The following DDR2 variants were observed in gnomAD, a reference collection of about 807,000 sequenced individuals.
DDR2 encodes the protein discoidin domain-containing receptor 2.
A neutral mutation model predicts 94.9 loss-of-function variants in DDR2; 27 were observed. The observed-to-expected ratio is 0.28, with a 90% confidence interval of 0.21 to 0.39. The LOEUF (loss-of-function observed/expected upper bound fraction) is 0.39, where lower values mean the gene tolerates loss of function less well. Among genes scored for constraint, DDR2 ranks in the 10% least tolerant of loss-of-function variants. The probability of loss-of-function intolerance (pLI) is 1.00; values close to 1 mark genes in which losing one functional copy is unlikely to be tolerated. For synonymous variants in DDR2, 382 were observed against 377.2 expected, an observed-to-expected ratio of 1.01 and a Z score of -0.15; for missense variants, 783 against 1,076.0, an observed-to-expected ratio of 0.73 and a Z score of 3.81.
intron 3 of DDR2, among the ~76,000 whole-genome samples, chr1:162,742,788 G>C (rs947952611): frequency 2.0e-5 from 3 of 152,202 alleles, no homozygotes; most frequent in African/African-American, 4.8e-5. Context: ...CCACATAGCC[G>C]GGGAGGCCTC....
chr1:162,755,045 C>A, intron 5 of DDR2, 111 bp from the exon 6 acceptor site: 1 of 1,493,256 alleles, frequency 6.7e-7, no homozygotes, highest in Non-Finnish European at 9.3e-7. Flanking sequence ...AGAGTAGATG[C>A]ATTCTGCTCC....
chr1:162,706,709 A>G (rs559322133), intron 2 of DDR2, among the ~76,000 whole-genome samples: 6 of 152,304 alleles, frequency 3.9e-5, no homozygotes, highest in Middle Eastern at 3.4e-3. Context: ...CTGGTAGGAT[A>G]GAGAGGAGGG....
At chr1:162,678,372 G>A (rs534811669) in intron 2 of DDR2, among the ~76,000 whole-genome samples, 4 of 152,170 alleles carry the variant, frequency 2.6e-5, no homozygotes, top group South Asian at 4.1e-4. Flanking sequence ...AGTGCATGAC[G>A]CAGAGTAAAC....
chr1:162,745,279 G>T (rs1250631541), intron 3 of DDR2, among the ~76,000 whole-genome samples: 3 of 152,006 alleles, frequency 2.0e-5, no homozygotes, highest in Non-Finnish European at 4.4e-5. Context: ...CATTCCAAAG[G>T]TCTTTTCACT....
chr1:162,776,477 G>A, intron 16 of DDR2, 107 bp downstream of exon 16: 2 of 947,262 alleles, frequency 2.1e-6, no homozygotes, highest in African/African-American at 1.6e-5. Flanking sequence ...TCAATAGACT[G>A]TAGTATTTTC....
chr1:162,770,514 T>G lies in DDR2; in HGVS notation c.1504+2T>G, dbSNP rs768118021. The G allele has an allele frequency of 6.2e-7, 1 of 1,613,908 alleles. No homozygotes were observed. The highest frequency in any genetic ancestry group is 8.5e-7 in the Non-Finnish European group (1 of 1,179,934). ...TTGCTCCAGGGGAGGAGGAGTCAGGTGAGGATGATGTGGTGGGCAGGGTGT... is the reference window on the plus strand; with the variant it reads ...TTGCTCCAGGGGAGGAGGAGTCAGGGGAGGATGATGTGGTGGGCAGGGTGT... On this transcript the variant is annotated splice_donor_variant, in intron 12 of 17. Transcript: ENST00000367921. LOFTEE classifies it high-confidence loss of function.
At chr1:162,681,441 C>T (rs61811973) in intron 2 of DDR2, among the ~76,000 whole-genome samples, 60 of 152,302 alleles carry the variant, frequency 3.9e-4, no homozygotes, top group Admixed American at 9.2e-4. Flanking sequence ...CTACCCGAAT[C>T]CCAAGAGACC....
At chr1:162,771,266 G>A (rs768271328) in intron 12 of DDR2, among the ~76,000 whole-genome samples, 2 of 152,184 alleles carry the variant, frequency 1.3e-5, no homozygotes, top group East Asian at 1.9e-4. Flanking sequence ...TGAGGGACCC[G>A]AGTCAGTAGA....
intron 3 of DDR2, among the ~76,000 whole-genome samples, chr1:162,734,989 G>T (rs1013116180): frequency 6.6e-6 from 1 of 152,162 alleles, no homozygotes; most frequent in Non-Finnish European, 1.5e-5. Flanking sequence ...TGGAGGTTGC[G>T]CACTGCATGG....
chr1:162,746,225 G>A (rs1475645261), intron 3 of DDR2, among the ~76,000 whole-genome samples: 1 of 152,202 alleles, frequency 6.6e-6, no homozygotes, highest in African/African-American at 2.4e-5. Flanking sequence ...CTAGCCAAGG[G>A]AAGCTGTGAC....
rs115554932 is a variant in DDR2 at position 162,777,936 on chromosome 1, C to T, written c.2284-644C>T. ...CAGAAACAGAGGAGGTCAAAACTCC[C>T]GTGTTGATCAGTAATGAGATCAAAC... On this transcript the variant is annotated intron_variant, in intron 16 of 17. Transcript: ENST00000367921. 3.9e-3 allele frequency: 607 copies of T among 155,768 alleles called. 2 individuals carry two copies. The highest frequency in any genetic ancestry group is 0.014 in the African/African-American group (565 of 41,548). 9.6% of individuals were successfully genotyped at this position (155,768 alleles called of 1,614,324 possible).
chr1:162,715,216 T>A (rs1661111260), intron 2 of DDR2, among the ~76,000 whole-genome samples: 1 of 152,178 alleles, frequency 6.6e-6, no homozygotes, highest in Non-Finnish European at 1.5e-5. Flanking sequence ...TCTGGTAGTG[T>A]TGAGACTACA....
chr1:162,749,415 A>G (rs1271236471), intron 3 of DDR2, among the ~76,000 whole-genome samples: 1 of 152,234 alleles, frequency 6.6e-6, no homozygotes. Context: ...GAAGAAATGG[A>G]TAAATTCCTG....
rs17436304 is a variant in DDR2 at position 162,765,267 on chromosome 1, G to A, written c.1100-734G>A. Among the ~76,000 whole-genome samples the A allele has an allele frequency of 9.8e-3, 1,484 of 152,112 alleles. 16 individuals carry two copies. The highest frequency in any genetic ancestry group is 0.02 in the South Asian group (94 of 4,814). Reference sequence around the variant, plus strand: ...TAGTTTTCACCGGAGCCTGACAGCCGAACTCCGAAAGCACATGCAGAGGCC... The same window carrying A: ...TAGTTTTCACCGGAGCCTGACAGCCAAACTCCGAAAGCACATGCAGAGGCC... On this transcript the variant is annotated intron_variant, in intron 9 of 17. Coordinates refer to ENST00000367921, the MANE Select transcript of DDR2 (RefSeq NM_006182.4).
intron 3 of DDR2, among the ~76,000 whole-genome samples, chr1:162,744,223 A>T (rs1005308666): frequency 2.0e-5 from 3 of 152,216 alleles, no homozygotes; most frequent in East Asian, 3.9e-4. Context: ...ATCGTTAAGT[A>T]TAGGCACAAT....
chr1:162,746,453 G>A (rs1662870994), intron 3 of DDR2, among the ~76,000 whole-genome samples: 1 of 152,202 alleles, frequency 6.6e-6, no homozygotes, highest in Admixed American at 6.5e-5. Context: ...GCTTGAGTAG[G>A]TAAACAAAGA....
chr1:162,654,890 GTTGAAGATAAAGTTATTTTTATAACAATT>G (rs1157082970), intron 1 of DDR2, among the ~76,000 whole-genome samples: 18 of 152,142 alleles, frequency 1.2e-4, no homozygotes. Flanking sequence ...TTCTTCTCAT[GTTGAAGATAAAGTTATTTTTATAACAATT>G]TTGAAGATAA....
rs183156990 is a variant in DDR2 at position 162,771,249 on chromosome 1, A to G, written c.1504+737A>G. On this transcript the variant is annotated intron_variant, in intron 12 of 17. Transcript: ENST00000367921. Reference sequence around the variant, plus strand: ...CTCAGAGCAACTTTTCTATAAGATCATCAACCTGAGGGACCCGAGTCAGTA... The same window carrying G: ...CTCAGAGCAACTTTTCTATAAGATCGTCAACCTGAGGGACCCGAGTCAGTA... Among the ~76,000 whole-genome samples the G allele has an allele frequency of 1.5e-3, 236 of 152,338 alleles. 2 individuals carry two copies. The highest frequency in any genetic ancestry group is 5.2e-3 in the African/African-American group (217 of 41,594).
At chr1:162,715,249 AG>A (rs1194381779) in intron 2 of DDR2, among the ~76,000 whole-genome samples, 2 of 152,272 alleles carry the variant, frequency 1.3e-5, no homozygotes, top group East Asian at 3.9e-4. Flanking sequence ...ATGAACATGG[AG>A]CTTGTGTGTG....
Sources: gnomAD v4.1 joint callset for allele counts (sites outside exome capture counted in the v4.1 genomes callset) on GRCh38, gnomAD v4.1.1 for gene constraint, MANE v1.5 for transcripts, NCBI Gene and HGNC (gene_info 2026-07-23, HGNC 2026-07-21) for gene names.